The following HK1 variants were observed in gnomAD, a reference collection of about 807,000 sequenced individuals.
The protein encoded by HK1 is hexokinase-1.
A neutral mutation model predicts 91.6 loss-of-function variants in HK1; 28 were observed. That is an observed-to-expected ratio of 0.31 (90% CI 0.23 to 0.42). HK1 has a LOEUF of 0.42. Among genes scored for constraint, HK1 ranks in the 10% least tolerant of loss-of-function variants. The pLI, the probability that HK1 is intolerant of heterozygous loss-of-function variation, is 1.00. For missense variants in HK1, 770 were observed against 1,219.8 expected, an observed-to-expected ratio of 0.63 and a Z score of 5.49; for synonymous variants, 430 against 468.1, an observed-to-expected ratio of 0.92 and a Z score of 1.05.
At chr10:69,339,921 G>A (rs185106644) in intron 1 of HK1, among the ~76,000 whole-genome samples, 2 of 152,306 alleles carry the variant, frequency 1.3e-5, no homozygotes, top group East Asian at 3.9e-4. Context: ...CAGTTTCTGT[G>A]TCTGTAAAAT....
At chr10:69,353,554 C>T (rs1242350961) in intron 2 of HK1, among the ~76,000 whole-genome samples, 2 of 151,162 alleles carry the variant, frequency 1.3e-5, no homozygotes, top group African/African-American at 4.9e-5. Flanking sequence ...GATCATGCAA[C>T]TGCACTGCAC....
chr10:69,349,465 T>A (rs539321321), intron 2 of HK1, among the ~76,000 whole-genome samples: 1 of 152,204 alleles, frequency 6.6e-6, no homozygotes, highest in African/African-American at 2.4e-5. Context: ...AAGTCTTTCC[T>A]AACCAATGGA....
In HK1 at chr10:69,380,901, G is replaced by A. The variant is rs902532355; in HGVS notation, c.1265+806G>A. 1.3e-5 allele frequency among the ~76,000 whole-genome samples: 2 copies of A among 152,206 alleles called. No homozygotes were observed. The highest frequency in any genetic ancestry group is 4.8e-5 in the African/African-American group (2 of 41,442). On this transcript the variant is annotated intron_variant, in intron 9 of 17. Transcript: ENST00000359426. This position sits in a 1 kb window ranked among gnomAD's most constrained non-coding sequence, Gnocchi z 4.0. ...TGATTGTTTTGCACAGGACCTCAGA[G>A]TTGTTTCCCACTGTACATATAAATA...
upstream of HK1, chr10:69,318,820 G>T: frequency 7.0e-7 from 1 of 1,426,192 alleles, no homozygotes; most frequent in Non-Finnish European, 9.1e-7. Flanking sequence ...GCCCCGGGCC[G>T]AGGGGGAGGA....
At chr10:69,283,124 CAAAAAAAAAAA>C (rs34547808) in intron 2 of HK1, among the ~76,000 whole-genome samples, 1 of 60,820 alleles carries the variant, frequency 1.6e-5, no homozygotes, top group Non-Finnish European at 2.9e-5. Context: ...AACTCAGTTT[CAAAAAAAAAAA>C]AAAAAAAAAA....
chr10:69,298,182 G>C (rs1325121608), intron 4 of HK1, among the ~76,000 whole-genome samples: 1 of 151,546 alleles, frequency 6.6e-6, no homozygotes, highest in African/African-American at 2.4e-5. Context: ...TTGCACTCCA[G>C]CCTGGGCAAG....
intron 2 of HK1, among the ~76,000 whole-genome samples, chr10:69,284,731 A>G (rs1167197515): frequency 6.6e-6 from 1 of 152,090 alleles, no homozygotes; most frequent in African/African-American, 2.4e-5. Flanking sequence ...CTCCGCCTCC[A>G]GGGTTCAAGT....
At chr10:69,331,265 C>T (rs1377884143) in intron 1 of HK1, among the ~76,000 whole-genome samples, 1 of 152,192 alleles carries the variant, frequency 6.6e-6, no homozygotes, top group Non-Finnish European at 1.5e-5. Context: ...ATACATTGTT[C>T]TTGTTACTCT....
At chr10:69,373,937 A>G (rs775936664) in intron 7 of HK1, among the ~76,000 whole-genome samples, 9 of 151,916 alleles carry the variant, frequency 5.9e-5, no homozygotes, top group Non-Finnish European at 1.3e-4. Flanking sequence ...TCTGCCTGGA[A>G]TCTCTGGGAT....
chr10:69,312,051 C>G (rs1448447295), upstream of HK1, among the ~76,000 whole-genome samples: 2 of 152,190 alleles, frequency 1.3e-5, no homozygotes, highest in Admixed American at 6.5e-5. Flanking sequence ...TTCTGAGGAA[C>G]TTTTACCTTC....
At position 69,388,680 on chromosome 10, in the gene HK1, G is replaced by C. The variant is rs192049308; in HGVS notation, c.1936-517G>C. Among the ~76,000 whole-genome samples, 96 of 152,288 alleles carry C rather than the reference G, an allele frequency of 6.3e-4. 1 individual carries two copies. The highest frequency in any genetic ancestry group is 1.9e-3 in the African/African-American group (77 of 41,556). Reference sequence around the variant, plus strand: ...CCTCATTCTTTTTCCTGGCTGCGTAGGATTCCAGCATGTGTCTGAATTGCC... The same window carrying C: ...CCTCATTCTTTTTCCTGGCTGCGTACGATTCCAGCATGTGTCTGAATTGCC... On this transcript the variant is annotated intron_variant, in intron 13 of 17. Coordinates refer to ENST00000359426, the MANE Select transcript of HK1 (RefSeq NM_000188.3).
upstream of HK1, among the ~76,000 whole-genome samples, chr10:69,312,438 C>T (rs1320057726): frequency 1.3e-5 from 2 of 152,062 alleles, no homozygotes; most frequent in African/African-American, 2.4e-5. Flanking sequence ...GGAGTTTCAC[C>T]ATGTTGGCCA....
rs539321321 is a variant in HK1 at position 69,349,465 on chromosome 10, T to C, written c.226+5476T>C. Among the ~76,000 whole-genome samples the C allele has an allele frequency of 9.2e-5, 14 of 152,322 alleles. No individual in the cohort carries two copies. The East Asian group carries it at 1.9e-3, about 21-fold the overall frequency. Reference sequence around the variant, plus strand: ...AAGAATTCCTTGGGAAAGTCTTTCCTAACCAATGGAGCCAGTCCAAGGACC... The same window carrying C: ...AAGAATTCCTTGGGAAAGTCTTTCCCAACCAATGGAGCCAGTCCAAGGACC... On this transcript the variant is annotated intron_variant, in intron 2 of 17. Coordinates refer to ENST00000359426, the MANE Select transcript of HK1 (RefSeq NM_000188.3).
chr10:69,343,856 C>G lies in HK1; in HGVS notation c.93C>G (p.Leu31=), dbSNP rs1366231276. Residue 31 remains leucine (L), a synonymous_variant, in exon 2 of 18, where the codon CTC becomes CTG. Coordinates refer to ENST00000359426, the MANE Select transcript of HK1 (RefSeq NM_000188.3). ...KIDKYLYAMR[L]SDETLIDIMT... ...ACAAGTATCTCTATGCCATGCGGCTCTCCGATGAAACTCTCATAGATATCA... is the reference window on the plus strand; with the variant it reads ...ACAAGTATCTCTATGCCATGCGGCTGTCCGATGAAACTCTCATAGATATCA... 1.9e-6 allele frequency: 3 copies of G among 1,613,956 alleles called. No individual in the cohort carries two copies. The highest frequency in any genetic ancestry group is 1.3e-5 in the African/African-American group (1 of 75,030).
At chr10:69,350,472 C>A (rs1848789575) in intron 2 of HK1, among the ~76,000 whole-genome samples, 1 of 151,948 alleles carries the variant, frequency 6.6e-6, no homozygotes, top group South Asian at 2.1e-4. Flanking sequence ...ACCATCCTGG[C>A]CAAAATGGTG....
At chr10:69,295,046 C>A (rs1589446139) in intron 3 of HK1, among the ~76,000 whole-genome samples, 1 of 135,520 alleles carries the variant, frequency 7.4e-6, no homozygotes, top group African/African-American at 2.6e-5. Flanking sequence ...AAAGAGAGAC[C>A]CTGTCTCAAA....
intron 3 of HK1, among the ~76,000 whole-genome samples, chr10:69,364,489 C>T (rs562539633): frequency 6.6e-6 from 1 of 152,210 alleles, no homozygotes; most frequent in Admixed American, 6.5e-5. Context: ...TTCCATTTTT[C>T]TCAGTACCCA....
At chr10:69,393,613 C>T (rs1377033966) in intron 15 of HK1, among the ~76,000 whole-genome samples, 3 of 152,198 alleles carry the variant, frequency 2.0e-5, no homozygotes, top group African/African-American at 7.2e-5. Context: ...AAGGTCTTTA[C>T]TGACATTTAA....
At chr10:69,339,964 A>C (rs1180378999) in intron 1 of HK1, among the ~76,000 whole-genome samples, 1 of 152,240 alleles carries the variant, frequency 6.6e-6, no homozygotes, top group East Asian at 1.9e-4. Context: ...ACAGTTTTGA[A>C]GGTTAAATGA....
Sources: gnomAD v4.1 joint callset for allele counts (sites outside exome capture counted in the v4.1 genomes callset) on GRCh38, gnomAD v4.1.1 for gene constraint, Gnocchi (gnomAD v3.1) non-coding constraint, MANE v1.5 for transcripts, NCBI Gene and HGNC (gene_info 2026-07-23, HGNC 2026-07-21) for gene names.